The following TP63 variants were observed in gnomAD, a reference collection of about 807,000 sequenced individuals.
TP63 encodes tumor protein 63.
A neutral mutation model predicts 82.8 loss-of-function variants in TP63; 17 were observed. The observed-to-expected ratio is 0.21, with a 90% CI of 0.14 to 0.31. The LOEUF is 0.31. Among genes scored for constraint, TP63 ranks in the 10% least tolerant of loss-of-function variants. TP63 has a pLI of 1.00. For missense variants in TP63, 648 were observed against 895.3 expected (o/e 0.72, Z 3.52); for synonymous variants, 330 against 321.7 (o/e 1.03, Z -0.28).
chr3:189,809,037 A>C (rs1357617939), intron 4 of TP63, among the ~76,000 whole-genome samples: 1 of 152,158 alleles, frequency 6.6e-6, no homozygotes, highest in Non-Finnish European at 1.5e-5. Flanking sequence ...GGTATCAATA[A>C]ATTATAATTT....
intron 1 of TP63, among the ~76,000 whole-genome samples, chr3:189,654,542 A>G (rs1490113001): frequency 6.6e-6 from 1 of 152,214 alleles, no homozygotes; most frequent in Non-Finnish European, 1.5e-5. Flanking sequence ...AATTTTAAGA[A>G]GTACTTTTCA....
intron 5 of TP63, among the ~76,000 whole-genome samples, chr3:189,866,190 A>ACGGGAGGGGGGCCGCC (rs1280415720): frequency 6.6e-6 from 1 of 152,198 alleles, no homozygotes; most frequent in Non-Finnish European, 1.5e-5. Flanking sequence ...TAATCAACAC[A>ACGGGAGGGGGGCCGCC]ATGTTTAAAA....
chr3:189,611,299 C>A, the TP63 span, among the ~76,000 whole-genome samples: 1 of 152,114 alleles, frequency 6.6e-6, no homozygotes. Flanking sequence ...AGCCTTTAAT[C>A]CATCTTGAGT....
At chr3:189,819,775 A>T (rs1728605793) in intron 4 of TP63, among the ~76,000 whole-genome samples, 1 of 113,336 alleles carries the variant, frequency 8.8e-6, no homozygotes. Flanking sequence ...TTTTTGAGAC[A>T]GTCTCTCACT....
At chr3:189,767,389 G>A (rs1014264953) in intron 3 of TP63, among the ~76,000 whole-genome samples, 3 of 152,054 alleles carry the variant, frequency 2.0e-5, no homozygotes, top group African/African-American at 7.2e-5. Flanking sequence ...ATTCATTGAA[G>A]GGGAAAAACC....
At chr3:189,701,628 T>C (rs1483881637) in intron 1 of TP63, among the ~76,000 whole-genome samples, 1 of 151,062 alleles carries the variant, frequency 6.6e-6, no homozygotes, top group Non-Finnish European at 1.5e-5. Context: ...GAGTACCTAT[T>C]TGGATCATAT....
chr3:189,773,915 C>CTTTTTTT (rs57761830), intron 3 of TP63, among the ~76,000 whole-genome samples: 5 of 72,892 alleles, frequency 6.9e-5, no homozygotes, highest in Non-Finnish European at 9.6e-5. Flanking sequence ...TGTCTCGTGC[C>CTTTTTTT]TTTTTTTTTT....
chr3:189,880,051 T>C, intron 10 of TP63: 1 of 1,611,750 alleles, frequency 6.2e-7, no homozygotes, highest in South Asian at 1.1e-5. Flanking sequence ...TTTTCTCTGG[T>C]TCCTCTCTGC....
At chr3:189,674,882 G>A (rs1044720586) in intron 1 of TP63, among the ~76,000 whole-genome samples, 2 of 152,118 alleles carry the variant, frequency 1.3e-5, no homozygotes, top group Non-Finnish European at 2.9e-5. Context: ...AGCACATCAA[G>A]TGTAAAAACG....
chr3:189,644,679 C>A (rs1407534585), intron 1 of TP63, among the ~76,000 whole-genome samples: 1 of 152,120 alleles, frequency 6.6e-6, no homozygotes. Context: ...TCTCTCACTT[C>A]CCAACCACTC....
intron 11 of TP63, 120 bp downstream of exon 11, chr3:189,886,671 C>G: frequency 7.0e-7 from 1 of 1,420,752 alleles, no homozygotes; most frequent in Non-Finnish European, 9.6e-7. Context: ...CAGATCAGAT[C>G]AAAGTGGAGT....
intron 1 of TP63, among the ~76,000 whole-genome samples, chr3:189,686,758 T>A (rs1467417076): frequency 7.3e-6 from 1 of 136,508 alleles, no homozygotes; most frequent in Non-Finnish European, 1.5e-5. Flanking sequence ...TGAGACAGAG[T>A]CTTACTCTGT....
At chr3:189,695,686 A>C (rs1049760470) in intron 1 of TP63, among the ~76,000 whole-genome samples, 1 of 152,314 alleles carries the variant, frequency 6.6e-6, no homozygotes, top group African/African-American at 2.4e-5. Context: ...CACATGGATC[A>C]TTCTAGCCTT....
At chr3:189,683,581 A>G (rs572335797) in intron 1 of TP63, among the ~76,000 whole-genome samples, 77 of 152,360 alleles carry the variant, frequency 5.1e-4, no homozygotes, top group African/African-American at 1.8e-3. Flanking sequence ...ATGAAGAGCT[A>G]TATTTCTTCC....
intron 3 of TP63, among the ~76,000 whole-genome samples, chr3:189,770,022 G>T (rs1229833594): frequency 2.6e-5 from 4 of 152,200 alleles, no homozygotes; most frequent in Non-Finnish European, 5.9e-5. Flanking sequence ...ACGTTTTTGT[G>T]TGTTAAACAT....
At chr3:189,863,105 C>T (rs1245378513) in intron 4 of TP63, among the ~76,000 whole-genome samples, 2 of 152,132 alleles carry the variant, frequency 1.3e-5, no homozygotes, top group Non-Finnish European at 2.9e-5. Context: ...AATCCGATTG[C>T]CACTATGGCT....
chr3:189,870,490 T>A (rs1344172544), intron 9 of TP63, among the ~76,000 whole-genome samples: 1 of 152,088 alleles, frequency 6.6e-6, no homozygotes, highest in Non-Finnish European at 1.5e-5. Flanking sequence ...CCATTTTATA[T>A]AAGGGACTTG....
In TP63 at chr3:189,745,166, T is replaced by C. The variant is rs7627686; in HGVS notation, c.324+6392T>C. Among the ~76,000 whole-genome samples the C allele has an allele frequency of 8.4e-3, 1,277 of 152,278 alleles. 21 individuals carry two copies. The highest frequency in any genetic ancestry group is 0.028 in the African/African-American group (1,172 of 41,556). On this transcript the variant is annotated intron_variant, in intron 3 of 13. Transcript: ENST00000264731. ...CAAAAAAAATTGTAAGAAATGACTATTCTACCAGATGTGCAGATATCAATA... is the reference window on the plus strand; with the variant it reads ...CAAAAAAAATTGTAAGAAATGACTACTCTACCAGATGTGCAGATATCAATA...
chr3:189,692,604 A>G (rs1253850556), intron 1 of TP63, among the ~76,000 whole-genome samples: 1 of 152,128 alleles, frequency 6.6e-6, no homozygotes, highest in Non-Finnish European at 1.5e-5. Context: ...TTTAATAACT[A>G]TAAAAATTAT....
Sources: gnomAD v4.1 joint callset for allele counts (sites outside exome capture counted in the v4.1 genomes callset) on GRCh38, gnomAD v4.1.1 for gene constraint, MANE v1.5 for transcripts, NCBI Gene and HGNC (gene_info 2026-07-23, HGNC 2026-07-21) for gene names.